The following PIAS2 variants were observed in gnomAD, a reference collection of about 807,000 sequenced individuals.
The protein encoded by PIAS2 is protein inhibitor of activated STAT 2.
PIAS2 carries 19 observed loss-of-function variants against 69.7 expected under a neutral mutation model. The observed-to-expected ratio is 0.27, with a 90% CI of 0.19 to 0.40. The LOEUF (loss-of-function observed/expected upper bound fraction) is 0.40, where lower values mean the gene tolerates loss of function less well. Among genes scored for constraint, PIAS2 ranks in the 10% least tolerant of loss-of-function variants. PIAS2 has a pLI of 1.00. For missense variants in PIAS2, 624 were observed against 757.0 expected (o/e 0.82, Z 2.06); for synonymous variants, 261 against 263.2 (o/e 0.99, Z 0.08).
At chr18:46,865,104 T>C (rs1165642388) in intron 2 of PIAS2, among the ~76,000 whole-genome samples, 1 of 152,162 alleles carries the variant, frequency 6.6e-6, no homozygotes. Context: ...TGAAATGTAT[T>C]TATGACTTCA....
At chr18:46,873,756 T>C (rs1318477462) in intron 2 of PIAS2, among the ~76,000 whole-genome samples, 2 of 152,198 alleles carry the variant, frequency 1.3e-5, no homozygotes. Context: ...GAAATAGCTA[T>C]TGTTCATGTC....
chr18:46,888,237 T>C (rs916685333), intron 2 of PIAS2, among the ~76,000 whole-genome samples: 1 of 152,146 alleles, frequency 6.6e-6, no homozygotes, highest in Non-Finnish European at 1.5e-5. Context: ...CATGTTCATG[T>C]ACTGGAAGAC....
At chr18:46,919,967 A>G, upstream of PIAS2, 1 of 803,570 alleles carries the variant, frequency 1.2e-6, no homozygotes, top group South Asian at 1.4e-5. Flanking sequence ...AGTACAATAC[A>G]GCCCTGCCAC....
chr18:46,902,027 T>A (rs1421852182), intron 1 of PIAS2, among the ~76,000 whole-genome samples: 2 of 152,054 alleles, frequency 1.3e-5, no homozygotes, highest in African/African-American at 4.8e-5. Context: ...TCTCAACAAA[T>A]CTACAAAACA....
chr18:46,868,595 C>T (rs1197705424), intron 2 of PIAS2, among the ~76,000 whole-genome samples: 3 of 152,132 alleles, frequency 2.0e-5, no homozygotes, highest in African/African-American at 7.2e-5. Context: ...GGACACAGAA[C>T]CAGAGATTAA....
At chr18:46,891,546 T>C in intron 1 of PIAS2, 1 of 261,704 alleles carries the variant, frequency 3.8e-6, no homozygotes, top group Non-Finnish European at 5.9e-6. Flanking sequence ...AGAACTGTGA[T>C]CCAAAATGCA....
chr18:46,816,926 T>C, intron 12 of PIAS2: 1 of 938,358 alleles, frequency 1.1e-6, no homozygotes, highest in Non-Finnish European at 1.3e-6. Context: ...TGTCTTCATA[T>C]TAATAATATT....
chr18:46,824,499 T>C (rs116099168), intron 11 of PIAS2, among the ~76,000 whole-genome samples: 3,908 of 152,242 alleles, frequency 0.026, 156 homozygotes, highest in African/African-American at 0.09. Flanking sequence ...TTTCTAAATG[T>C]CTTAAGATTA....
At chr18:46,855,996 TG>T (rs374041286) in intron 3 of PIAS2, among the ~76,000 whole-genome samples, 3,090 of 131,332 alleles carry the variant, frequency 0.024, 125 homozygotes, top group African/African-American at 0.086. Flanking sequence ...CTTTTTCTTT[TG>T]TTTTTTTTTT....
intron 1 of PIAS2, among the ~76,000 whole-genome samples, chr18:46,901,749 AAAAC>A (rs1190020007): frequency 1.3e-5 from 2 of 152,216 alleles, no homozygotes; most frequent in African/African-American, 4.8e-5. Flanking sequence ...AAAACCCTCA[AAAAC>A]AAGAATAGAG....
At chr18:46,847,963 T>C (rs1359082247) in intron 5 of PIAS2, among the ~76,000 whole-genome samples, 1 of 152,178 alleles carries the variant, frequency 6.6e-6, no homozygotes, top group Non-Finnish European at 1.5e-5. Flanking sequence ...TCACTGATGC[T>C]AGGATGTCAG....
intron 1 of PIAS2, chr18:46,917,098 G>C (rs946122875): frequency 9.1e-6 from 9 of 989,272 alleles, no homozygotes; most frequent in Non-Finnish European, 1.1e-5. Flanking sequence ...CTCAGGAGCC[G>C]GCTCGCCGCG....
chr18:46,908,729 C>A (rs555337022), intron 1 of PIAS2, among the ~76,000 whole-genome samples: 2 of 152,264 alleles, frequency 1.3e-5, no homozygotes, highest in African/African-American at 4.8e-5. Flanking sequence ...ACGCATAAGG[C>A]TGGATGCAGT....
intron 5 of PIAS2, among the ~76,000 whole-genome samples, chr18:46,849,685 C>A (rs544755104): frequency 6.6e-6 from 1 of 152,294 alleles, no homozygotes; most frequent in African/African-American, 2.4e-5. Context: ...CTAATTACCA[C>A]TACTACTTGA....
At chr18:46,914,270 G>A (rs185713708) in intron 1 of PIAS2, among the ~76,000 whole-genome samples, 1 of 152,166 alleles carries the variant, frequency 6.6e-6, no homozygotes, top group African/African-American at 2.4e-5. Context: ...CAATCCATCA[G>A]GATAATCTGC....
At chr18:46,854,351 G>C (rs536268451) in intron 5 of PIAS2, among the ~76,000 whole-genome samples, 1 of 152,330 alleles carries the variant, frequency 6.6e-6, no homozygotes, top group East Asian at 1.9e-4. Flanking sequence ...GTTGCGAAGA[G>C]TGTCAGCTCT....
chr18:46,869,069 T>C (rs947069154), intron 2 of PIAS2, among the ~76,000 whole-genome samples: 4 of 152,212 alleles, frequency 2.6e-5, no homozygotes, highest in Admixed American at 6.5e-5. Flanking sequence ...GTGAATGAGA[T>C]GTACAATTAA....
chr18:46,909,696 T>G (rs979622413), intron 1 of PIAS2, among the ~76,000 whole-genome samples: 129 of 152,198 alleles, frequency 8.5e-4, no homozygotes, highest in African/African-American at 3.1e-3. Context: ...TATGCACACA[T>G]TCTTCTTAAA....
intron 1 of PIAS2, chr18:46,891,517 A>C (rs994017635): frequency 2.2e-5 from 4 of 178,908 alleles, no homozygotes; most frequent in African/African-American, 9.5e-5. Flanking sequence ...CTGAGTAGTA[A>C]ATCCATAAAA....
Sources: gnomAD v4.1 joint callset for allele counts (sites outside exome capture counted in the v4.1 genomes callset) on GRCh38, gnomAD v4.1.1 for gene constraint, MANE v1.5 for transcripts, NCBI Gene and HGNC (gene_info 2026-07-23, HGNC 2026-07-21) for gene names.